The following NEURL1B variants were observed in gnomAD, a reference collection of about 807,000 sequenced individuals.
NEURL1B encodes neuralized E3 ubiquitin protein ligase 1B.
NEURL1B carries 13 observed loss-of-function variants against 37.4 expected under a neutral mutation model. The ratio of observed to expected loss-of-function variants is 0.35; its 90% CI spans 0.23 to 0.55. The LOEUF is 0.55. Among genes scored for constraint, NEURL1B ranks in the 20% least tolerant of loss-of-function variants. The pLI is 0.89. For synonymous variants in NEURL1B, 432 were observed against 426.6 expected (o/e 1.01, Z -0.16); for missense variants, 790 against 879.2 (o/e 0.90, Z 1.28).
At chr5:172,671,701 T>C (rs1416812796) in intron 2 of NEURL1B, among the ~76,000 whole-genome samples, 4 of 152,266 alleles carry the variant, frequency 2.6e-5, no homozygotes, top group African/African-American at 9.6e-5. Flanking sequence ...AGTTTGTATA[T>C]CTGCATGTTT....
rs1271134788 is a variant in NEURL1B, at chr5:172,670,242, G to T, written c.489G>T (p.Pro163=). 7.1e-7 allele frequency: 1 copy of T among 1,404,552 alleles called. No homozygotes were observed. The highest frequency in any genetic ancestry group is 1.5e-5 in the African/African-American group (1 of 66,236). The allele number at this position is 1,404,552 out of a possible 1,614,324, so 87.0% of individuals were successfully genotyped here. The change falls in exon 2 of 5, where the codon CCG becomes CCT. Residue 163 remains proline (P), a synonymous_variant. Transcript: ENST00000369800. ...RVFYSVNDGE[P]VLFHCGVAVG... ...TCTACAGCGTGAACGACGGCGAGCC[G>T]GTGCTCTTCCACTGCGGCGTGGCCG...
Position 172,686,921 on chromosome 5 carries a change from C to G in NEURL1B, c.1664C>G (p.Pro555Arg). 1 of 1,545,058 alleles carries G rather than the reference C, an allele frequency of 6.5e-7. No individual in the cohort carries two copies. Among genetic ancestry groups the G allele is most frequent in the Non-Finnish European group, 8.8e-7 (1 of 1,142,294 alleles). The stretch of plus-strand genomic sequence containing the variant: ...AAGGACGTCATTAAGATCTACAGGC[C>G]ATAGCCTAGCCTGCCCACGGGCCTT... ...PIKDVIKIYR[P>R] The change falls in exon 5 of 5, where the codon CCA (proline) becomes CGA (arginine). Residue 555 changes from proline to arginine, a missense_variant. Transcript: ENST00000369800. The surrounding 1 kb of genome is among the most constrained non-coding windows in gnomAD (Gnocchi z 7.9).
At chr5:172,642,924 T>C (rs899642625) in intron 1 of NEURL1B, among the ~76,000 whole-genome samples, 14 of 152,254 alleles carry the variant, frequency 9.2e-5, no homozygotes, top group African/African-American at 2.2e-4. Flanking sequence ...TCTCGCCACA[T>C]AGACACTGGG....
Position 172,684,001 on chromosome 5 carries a change from C to T in NEURL1B, c.1160C>T (p.Thr387Met), listed in dbSNP as rs2113333937. ...AGCGGCGGCGACGCGCTCAGCTTCA[C>T]GCTGCGGCCCGGCGGCGACGTGCTC... ...VPSGGDALSF[T>M]LRPGGDVLLG... The change falls in exon 3 of 5, where the codon ACG becomes ATG. Residue 387 changes from threonine (T) to methionine (M), a missense_variant. Thr to Met is a moderately conservative substitution (Grantham distance 81). Transcript: ENST00000369800. 1 of 1,330,014 alleles carries T rather than the reference C, an allele frequency of 7.5e-7. No homozygotes were observed. Among genetic ancestry groups the T allele is most frequent in the Non-Finnish European group, 9.6e-7 (1 of 1,037,944 alleles). 82.4% of individuals were successfully genotyped at this position (1,330,014 alleles called of 1,614,324 possible). A position where few individuals can be genotyped will look rare whatever the true frequency, so the allele number is the denominator to read the frequency against.
rs1757463850 is a variant in NEURL1B at position 172,641,712 on chromosome 5, T to C, written c.31+275T>C. 2.0e-5 allele frequency among the ~76,000 whole-genome samples: 3 copies of C among 152,020 alleles called. No individual in the cohort carries two copies. Among genetic ancestry groups the C allele is most frequent in the Admixed American group, 6.5e-5 (1 of 15,280 alleles). On this transcript the variant is annotated intron_variant, in intron 1 of 4. Coordinates refer to ENST00000369800, the MANE Select transcript of NEURL1B (RefSeq NM_001142651.3). This position sits in a 1 kb window ranked among gnomAD's most constrained non-coding sequence, Gnocchi z 6.4. Reference sequence around the variant, plus strand: ...TGCGCAAAAAGGGCCGCTGGGGCGATGCCGCGCGCCCCCTCGCCTTTGTTC... The same window carrying C: ...TGCGCAAAAAGGGCCGCTGGGGCGACGCCGCGCGCCCCCTCGCCTTTGTTC...
intron 1 of NEURL1B, among the ~76,000 whole-genome samples, chr5:172,667,275 T>TTAAAAAAAAAAAAAAA (rs761050020): frequency 2.8e-5 from 2 of 72,290 alleles, no homozygotes; most frequent in African/African-American, 1.6e-4. Context: ...CTGTCTCTAC[T>TTAAAAAAAAAAAAAAA]AAAAAAAAAA....
rs1197157744 is a variant in NEURL1B, at chr5:172,688,337, C to G, written c.*1412C>G. 6.5e-6 allele frequency: 1 copy of G among 152,758 alleles called. No homozygotes were observed. The highest frequency in any genetic ancestry group is 2.4e-5 in the African/African-American group (1 of 41,452). 9.5% of individuals were successfully genotyped at this position (152,758 alleles called of 1,614,324 possible). A position where few individuals can be genotyped will look rare whatever the true frequency, so the allele number is the denominator to read the frequency against. On this transcript the variant is annotated 3_prime_UTR_variant, in exon 5 of 5. Coordinates refer to ENST00000369800, the MANE Select transcript of NEURL1B (RefSeq NM_001142651.3). This position sits in a 1 kb window ranked among gnomAD's most constrained non-coding sequence, Gnocchi z 4.3. The stretch of plus-strand genomic sequence containing the variant: ...CAACTCCAGGAGTTCTTGGGAGGAC[C>G]AGTACAACGTTCTAAAAAGCCTGAG...
intron 1 of NEURL1B, among the ~76,000 whole-genome samples, chr5:172,652,406 C>A (rs930393297): frequency 1.3e-5 from 2 of 152,244 alleles, no homozygotes; most frequent in Non-Finnish European, 2.9e-5. Flanking sequence ...ATATTTGATC[C>A]ATTCCAACCA....
chr5:172,687,861 T>G lies in NEURL1B; in HGVS notation c.*936T>G, dbSNP rs1195453306. The G allele has an allele frequency of 6.6e-6, 1 of 152,122 alleles. No homozygotes were observed. The highest frequency in any genetic ancestry group is 2.4e-5 in the African/African-American group (1 of 41,408). 9.4% of individuals were successfully genotyped at this position (152,122 alleles called of 1,614,324 possible). A position where few individuals can be genotyped will look rare whatever the true frequency, so the allele number is the denominator to read the frequency against. ...AAGCCCACTCCACGATGCAGACAGC[T>G]CTCTACCTTCCTGTGGTGGCCCCTG... is the stretch of plus-strand genomic sequence containing the variant. On this transcript the variant is annotated 3_prime_UTR_variant, in exon 5 of 5. Transcript: ENST00000369800.
At chr5:172,654,441 C>A (rs1259745009) in intron 1 of NEURL1B, among the ~76,000 whole-genome samples, 1 of 152,130 alleles carries the variant, frequency 6.6e-6, no homozygotes, top group African/African-American at 2.4e-5. Context: ...TCTGGTGAGA[C>A]CTTTGCGTGG....
Position 172,686,097 on chromosome 5 carries a change from G to A in NEURL1B, c.1298-74G>A. The A allele has an allele frequency of 6.6e-7, 1 of 1,522,440 alleles. No homozygotes were observed. The highest frequency in any genetic ancestry group is 8.8e-7 in the Non-Finnish European group (1 of 1,130,352). The allele number at this position is 1,522,440 out of a possible 1,614,324, so 94.3% of individuals were successfully genotyped here. On this transcript the variant is annotated intron_variant, in intron 3 of 4. Transcript: ENST00000369800. This position sits in a 1 kb window ranked among gnomAD's most constrained non-coding sequence, Gnocchi z 7.9. ...TTAGACGGGAAAGCTAAGGTGCAAA[G>A]CAGTGAAGAACCATGGACTAGCAGG...
In NEURL1B at chr5:172,657,905, T is replaced by G. The variant is rs1311028701; in HGVS notation, c.32-11880T>G. Among the ~76,000 whole-genome samples, 1 of 152,184 alleles carries G rather than the reference T, an allele frequency of 6.6e-6. No homozygotes were observed. The highest frequency in any genetic ancestry group is 1.5e-5 in the Non-Finnish European group (1 of 68,030). ...CTTTGAAGTTCGTAGTAGATAGTGG[T>G]AGAAGGAATAGGGAAAATCTTAAAG... is the stretch of plus-strand genomic sequence containing the variant. On this transcript the variant is annotated intron_variant, in intron 1 of 4. Coordinates refer to ENST00000369800, the MANE Select transcript of NEURL1B (RefSeq NM_001142651.3). This position sits in a 1 kb window ranked among gnomAD's most constrained non-coding sequence, Gnocchi z 4.0.
intron 1 of NEURL1B, among the ~76,000 whole-genome samples, chr5:172,664,057 C>G (rs936297140): frequency 6.6e-5 from 10 of 151,944 alleles, no homozygotes; most frequent in Admixed American, 5.9e-4. Context: ...TGGGGAAATG[C>G]TTTCGATGTA....
At chr5:172,681,078 T>C (rs1278798210) in intron 2 of NEURL1B, among the ~76,000 whole-genome samples, 1 of 152,080 alleles carries the variant, frequency 6.6e-6, no homozygotes. Flanking sequence ...AGGAAGAGTG[T>C]GAAGTGGGGG....
intron 2 of NEURL1B, among the ~76,000 whole-genome samples, chr5:172,678,931 G>A (rs956786553): frequency 1.4e-4 from 22 of 152,346 alleles, no homozygotes; most frequent in African/African-American, 4.8e-4. Flanking sequence ...AGAAAGGGGA[G>A]GGGAAAAAGG....
chr5:172,681,805 AT>A (rs1457128373), intron 2 of NEURL1B, among the ~76,000 whole-genome samples: 1 of 152,248 alleles, frequency 6.6e-6, no homozygotes, highest in Non-Finnish European at 1.5e-5. Context: ...AAGAGGAAAT[AT>A]TTTTCAAGAC....
In NEURL1B at chr5:172,683,291, T is replaced by G; in HGVS notation, c.578-128T>G. 9.4e-7 allele frequency: 1 copy of G among 1,067,736 alleles called. No individual in the cohort carries two copies. The highest frequency in any genetic ancestry group is 1.2e-6 in the Non-Finnish European group (1 of 838,140). The allele number at this position is 1,067,736 out of a possible 1,614,324, so 66.1% of individuals were successfully genotyped here. On this transcript the variant is annotated intron_variant, in intron 2 of 4. Coordinates refer to ENST00000369800, the MANE Select transcript of NEURL1B (RefSeq NM_001142651.3). This position sits in a 1 kb window ranked among gnomAD's most constrained non-coding sequence, Gnocchi z 5.6. ...ACAAAAGGAGAGTTCGAAGCCGGGG[T>G]GGGGTGGGGGCTGCTCGAGGCCCGG...
In NEURL1B at chr5:172,683,587, C is replaced by T. The variant is rs1425412271; in HGVS notation, c.746C>T (p.Pro249Leu). ...GHLALGRAPG[P>L]PPADAAAAAI... ...CTGGCGCTGGGCCGCGCCCCGGGCC[C>T]ACCGCCAGCCGACGCCGCGGCCGCC... Residue 249 changes from proline to leucine, a missense_variant, in exon 3 of 5, where the codon CCA (proline) becomes CTA (leucine). By Grantham distance (98) the Pro-to-Leu change is moderately conservative (BLOSUM62 -3). Around this residue, in one of 3 missense-constraint regions of NEURL1B, gnomAD observed 460 missense variants for 407.4 expected, o/e 1.13. Coordinates refer to ENST00000369800, the MANE Select transcript of NEURL1B (RefSeq NM_001142651.3). The surrounding 1 kb of genome is among the most constrained non-coding windows in gnomAD (Gnocchi z 5.6). The T allele has an allele frequency of 1.1e-5, 15 of 1,312,686 alleles. No individual in the cohort carries two copies. Among genetic ancestry groups the T allele is most frequent in the Non-Finnish European group, 1.5e-5 (15 of 1,032,528 alleles). 81.3% of individuals were successfully genotyped at this position (1,312,686 alleles called of 1,614,324 possible).
intron 1 of NEURL1B, 38 bp from the exon 2 acceptor site, chr5:172,669,747 G>A (rs1369433134): frequency 2.4e-6 from 3 of 1,229,172 alleles, no homozygotes; most frequent in Non-Finnish European, 2.1e-6. Flanking sequence ...GCAGGAGTTC[G>A]GAGGAGGCCT....
Sources: gnomAD v4.1 joint callset for allele counts (sites outside exome capture counted in the v4.1 genomes callset) on GRCh38, gnomAD v4.1.1 for gene constraint, gnomAD v4.1.1 regional missense constraint, Gnocchi (gnomAD v3.1) non-coding constraint, MANE v1.5 for transcripts, NCBI Gene and HGNC (gene_info 2026-07-23, HGNC 2026-07-21) for gene names.